Variants in RANBP2 observed in about 807,000 individuals in gnomAD.
RANBP2 encodes E3 SUMO-protein ligase RanBP2.
RANBP2 carries 57 observed loss-of-function variants against 303.6 expected under a neutral mutation model. The ratio of observed to expected loss-of-function variants is 0.19; its 90% CI spans 0.15 to 0.23. The LOEUF (loss-of-function observed/expected upper bound fraction) is 0.23, where lower values mean the gene tolerates loss of function less well. Among genes scored for constraint, RANBP2 ranks in the 10% least tolerant of loss-of-function variants. The pLI is 1.00. For missense variants in RANBP2, 3,138 were observed against 3,780.8 expected (o/e 0.83, Z 4.46); for synonymous variants, 1,167 against 1,301.5 (o/e 0.90, Z 2.23).
At chr2:109,347,567 C>G in the RANBP2 span, 1 of 1,448,810 alleles carries the variant, frequency 6.9e-7, no homozygotes, top group Non-Finnish European at 9.3e-7. Context: ...GTATGCACCC[C>G]CAGGACACAG....
chr2:109,540,494 C>G, the RANBP2 span, among the ~76,000 whole-genome samples: 1 of 152,058 alleles, frequency 6.6e-6, no homozygotes, highest in Non-Finnish European at 1.5e-5. Flanking sequence ...CTCTCTTCAT[C>G]TCTAGCAATG....
the RANBP2 span, among the ~76,000 whole-genome samples, chr2:108,805,988 A>G: frequency 4.2e-5 from 6 of 142,414 alleles, no homozygotes; most frequent in East Asian, 9.1e-4. Context: ...TGTATGGATT[A>G]TGTAACTTAA....
the RANBP2 span, among the ~76,000 whole-genome samples, chr2:109,681,056 C>A: frequency 6.6e-6 from 1 of 152,224 alleles, no homozygotes; most frequent in Non-Finnish European, 1.5e-5. Flanking sequence ...CCATCAACAG[C>A]AGAACTTGTA....
the RANBP2 span, among the ~76,000 whole-genome samples, chr2:108,970,355 G>T: frequency 6.6e-6 from 1 of 152,192 alleles, no homozygotes; most frequent in Non-Finnish European, 1.5e-5. Context: ...ATCTGCAAAT[G>T]GTGTGTAAAG....
the RANBP2 span, among the ~76,000 whole-genome samples, chr2:109,306,915 T>C: frequency 7.2e-5 from 11 of 152,254 alleles, no homozygotes; most frequent in African/African-American, 2.7e-4. Context: ...GCGGCATGCA[T>C]GCCCGTGTGG....
the RANBP2 span, among the ~76,000 whole-genome samples, chr2:109,150,798 C>T: frequency 3.4e-4 from 51 of 152,180 alleles, no homozygotes; most frequent in African/African-American, 1.2e-3. Context: ...ACCTCCTTAT[C>T]AGGCTGTTCA....
At chr2:108,745,116 A>G (rs981691044) in intron 7 of RANBP2, among the ~76,000 whole-genome samples, 1 of 117,128 alleles carries the variant, frequency 8.5e-6, no homozygotes, top group African/African-American at 5.0e-5. Context: ...GCTGGCTTTT[A>G]CTTTTTTTTT....
chr2:109,464,422 TACATGTAC>T, the RANBP2 span, among the ~76,000 whole-genome samples: 1 of 152,208 alleles, frequency 6.6e-6, no homozygotes, highest in Non-Finnish European at 1.5e-5. Flanking sequence ...CAAACATGAC[TACATGTAC>T]ACACATTCGC....
At chr2:108,934,297 A>G in the RANBP2 span, among the ~76,000 whole-genome samples, 1 of 152,198 alleles carries the variant, frequency 6.6e-6, no homozygotes, top group Non-Finnish European at 1.5e-5. Context: ...CTCAGACTGC[A>G]GATACAGGCA....
chr2:108,823,010 T>G, the RANBP2 span, among the ~76,000 whole-genome samples: 1 of 152,214 alleles, frequency 6.6e-6, no homozygotes, highest in Non-Finnish European at 1.5e-5. Context: ...TAAGACAATG[T>G]TATCAACAAT....
chr2:109,709,458 G>A, the RANBP2 span, among the ~76,000 whole-genome samples: 1 of 152,300 alleles, frequency 6.6e-6, no homozygotes, highest in African/African-American at 2.4e-5. Context: ...GTGGGGTTTG[G>A]AGTCTGATGC....
the RANBP2 span, chr2:109,794,583 G>A: frequency 1.0e-6 from 1 of 963,566 alleles, no homozygotes; most frequent in African/African-American, 1.8e-5. Context: ...ACCCGGCCGG[G>A]GGGCGGCGGC....
rs796337519 is a variant in RANBP2 at position 108,732,848 on chromosome 2, G to T, written c.405+1374G>T. ...TTCTTTTTTCATTTTTTTTGAGACG[G>T]AGTCTCGCTCTATTGCCCAGGTTAG... On this transcript the variant is annotated intron_variant, in intron 4 of 28. Transcript: ENST00000283195. 4.6e-5 allele frequency among the ~76,000 whole-genome samples: 7 copies of T among 152,236 alleles called. No individual in the cohort carries two copies. In the East Asian group the frequency reaches 1.2e-3, roughly 25 times the overall value.
At chr2:109,028,872 G>A in the RANBP2 span, among the ~76,000 whole-genome samples, 261 of 152,216 alleles carry the variant, frequency 1.7e-3, no homozygotes, top group African/African-American at 6.0e-3. Context: ...GGACTGTGAG[G>A]GCCAACTGAG....
At chr2:109,118,051 C>T in the RANBP2 span, among the ~76,000 whole-genome samples, 6 of 152,246 alleles carry the variant, frequency 3.9e-5, no homozygotes, top group East Asian at 5.8e-4. Context: ...CACATAATGG[C>T]GTCTGGTGAA....
chr2:109,251,212 A>T, the RANBP2 span, among the ~76,000 whole-genome samples: 1 of 152,112 alleles, frequency 6.6e-6, no homozygotes, highest in African/African-American at 2.4e-5. Context: ...CATGTTGGCC[A>T]GGCTGGTCTC....
chr2:109,095,775 T>C, the RANBP2 span, among the ~76,000 whole-genome samples: 1 of 152,232 alleles, frequency 6.6e-6, no homozygotes, highest in Non-Finnish European at 1.5e-5. Flanking sequence ...ATTGAAACTG[T>C]ATAGATTTAT....
chr2:108,914,975 C>T, the RANBP2 span, among the ~76,000 whole-genome samples: 1 of 152,236 alleles, frequency 6.6e-6, no homozygotes, highest in Non-Finnish European at 1.5e-5. Context: ...TGCAGTGGCA[C>T]GATCTTGGCT....
chr2:109,777,033 AT>A, the RANBP2 span, among the ~76,000 whole-genome samples: 2 of 73,922 alleles, frequency 2.7e-5, no homozygotes, highest in African/African-American at 9.3e-5. Flanking sequence ...GTTGCTTTTA[AT>A]TTTTTTTTCT....
Sources: gnomAD v4.1 joint callset for allele counts (sites outside exome capture counted in the v4.1 genomes callset) on GRCh38, gnomAD v4.1.1 for gene constraint, MANE v1.5 for transcripts, NCBI Gene and HGNC (gene_info 2026-07-23, HGNC 2026-07-21) for gene names.